The following DNAJC5B variants were observed in gnomAD, a reference collection of about 807,000 sequenced individuals.
DNAJC5B encodes the protein dnaJ homolog subfamily C member 5B.
Under a neutral mutation model 24.7 loss-of-function variants are expected in DNAJC5B, and 23 were observed. That is an observed-to-expected ratio of 0.93 (90% CI 0.67 to 1.32). The LOEUF is 1.32. Among genes scored for constraint, DNAJC5B ranks in the 40% most tolerant of loss-of-function variants. The pLI, the probability that DNAJC5B is intolerant of heterozygous loss-of-function variation, is 0.00. For synonymous variants in DNAJC5B, 101 were observed against 90.1 expected, an observed-to-expected ratio of 1.12 and a Z score of -0.68; for missense variants, 238 against 240.8, an observed-to-expected ratio of 0.99 and a Z score of 0.08.
intron 3 of DNAJC5B, among the ~76,000 whole-genome samples, chr8:66,060,531 T>C (rs772247332): frequency 3.9e-5 from 6 of 152,224 alleles, no homozygotes; most frequent in Non-Finnish European, 7.4e-5. Flanking sequence ...CCCTACCGTA[T>C]TCCTGCAGCA....
intron 5 of DNAJC5B, among the ~76,000 whole-genome samples, chr8:66,092,811 T>TAAA (rs1002754086): frequency 7.9e-5 from 12 of 152,190 alleles, no homozygotes; most frequent in Non-Finnish European, 1.8e-4. Flanking sequence ...ATTTCTTTTT[T>TAAA]AAAAAAATAG....
intron 3 of DNAJC5B, among the ~76,000 whole-genome samples, chr8:66,060,962 C>T (rs1255090896): frequency 6.6e-6 from 1 of 152,114 alleles, no homozygotes; most frequent in Admixed American, 6.5e-5. Context: ...GTAAGACACA[C>T]AACATATCAG....
At chr8:66,051,720 T>A (rs1586082294) in intron 3 of DNAJC5B, 54 bp downstream of exon 3, 1 of 1,349,290 alleles carries the variant, frequency 7.4e-7, no homozygotes, top group Non-Finnish European at 1.0e-6. Context: ...ATTTTGTGAC[T>A]GGCAGATTCC....
At chr8:66,034,243 TG>T (rs1346925535) in intron 1 of DNAJC5B, among the ~76,000 whole-genome samples, 1 of 147,982 alleles carries the variant, frequency 6.8e-6, no homozygotes, top group Non-Finnish European at 1.5e-5. Context: ...GGAAGTGAGA[TG>T]GGAATGCTGA....
rs1470428809 is a variant in DNAJC5B at position 66,024,424 on chromosome 8, T to A, written c.-142+2719T>A. Reference sequence around the variant, plus strand: ...GGATTCTTTTTTTTTTTTTTTTTAATGTTTTTTTTTTATTATTATACTCTA... The same window carrying A: ...GGATTCTTTTTTTTTTTTTTTTTAAAGTTTTTTTTTTATTATTATACTCTA... On this transcript the variant is annotated intron_variant, in intron 1 of 5. Transcript: ENST00000276570. 1.5e-3 allele frequency among the ~76,000 whole-genome samples: 208 copies of A among 134,344 alleles called. 1 individual carries two copies. Among genetic ancestry groups the A allele is most frequent in the African/African-American group, 5.7e-3 (176 of 30,894 alleles). 88.1% of individuals were successfully genotyped at this position (134,344 alleles called of 152,430 possible).
chr8:66,015,244 T>C, the DNAJC5B span, among the ~76,000 whole-genome samples: 1 of 152,186 alleles, frequency 6.6e-6, no homozygotes, highest in African/African-American at 2.4e-5. Flanking sequence ...TAGCTGTAGC[T>C]GTAGCTGTAG....
At chr8:66,066,397 A>G (rs574097947) in intron 3 of DNAJC5B, among the ~76,000 whole-genome samples, 26 of 152,360 alleles carry the variant, frequency 1.7e-4, no homozygotes, top group African/African-American at 5.8e-4. Flanking sequence ...ACAAAGGGAA[A>G]GAACACAGTA....
chr8:66,052,201 G>A (rs1806864610), intron 3 of DNAJC5B, among the ~76,000 whole-genome samples: 1 of 150,084 alleles, frequency 6.7e-6, no homozygotes. Context: ...CAGGCAATCT[G>A]CCCACCTCGG....
chr8:66,049,556 G>C (rs922077860), intron 2 of DNAJC5B, among the ~76,000 whole-genome samples: 13 of 152,200 alleles, frequency 8.5e-5, no homozygotes, highest in Non-Finnish European at 1.8e-4. Context: ...TTGGTGTGTA[G>C]TAGGCTCTAT....
intron 5 of DNAJC5B, among the ~76,000 whole-genome samples, chr8:66,095,099 G>A (rs926810755): frequency 6.6e-6 from 1 of 152,026 alleles, no homozygotes; most frequent in Non-Finnish European, 1.5e-5. Context: ...TTTGTATCAA[G>A]ATTATGCCTC....
At chr8:66,035,732 C>T (rs150966527) in intron 1 of DNAJC5B, among the ~76,000 whole-genome samples, 4 of 152,292 alleles carry the variant, frequency 2.6e-5, no homozygotes, top group African/African-American at 7.2e-5. Flanking sequence ...TTAAGCCATG[C>T]GGTTTGTGGT....
intron 3 of DNAJC5B, among the ~76,000 whole-genome samples, chr8:66,061,969 G>A (rs1263821176): frequency 6.6e-6 from 1 of 151,622 alleles, no homozygotes; most frequent in African/African-American, 2.4e-5. Context: ...GGGCGCAGCC[G>A]AGCCCCTTCC....
At chr8:66,022,513 G>A (rs1806157434) in intron 1 of DNAJC5B, among the ~76,000 whole-genome samples, 2 of 152,252 alleles carry the variant, frequency 1.3e-5, no homozygotes, top group South Asian at 2.1e-4. Context: ...AGTTGATGGC[G>A]ATGCTCCCTC....
At chr8:66,091,413 G>A (rs978781261) in intron 5 of DNAJC5B, among the ~76,000 whole-genome samples, 1 of 152,096 alleles carries the variant, frequency 6.6e-6, no homozygotes, top group Admixed American at 6.5e-5. Flanking sequence ...TTGAGGGGTA[G>A]GGGATTCTGG....
chr8:66,015,842 G>C, the DNAJC5B span, among the ~76,000 whole-genome samples: 1 of 152,198 alleles, frequency 6.6e-6, no homozygotes, highest in Non-Finnish European at 1.5e-5. Flanking sequence ...TCACCACTAA[G>C]AATGAGAGGG....
intron 3 of DNAJC5B, among the ~76,000 whole-genome samples, chr8:66,066,478 C>G (rs1807198736): frequency 6.6e-6 from 1 of 152,152 alleles, no homozygotes; most frequent in African/African-American, 2.4e-5. Flanking sequence ...CAGAAGCAAC[C>G]TAAGTGCCCA....
At chr8:66,046,311 C>G (rs550009453) in intron 2 of DNAJC5B, among the ~76,000 whole-genome samples, 1 of 152,310 alleles carries the variant, frequency 6.6e-6, no homozygotes, top group South Asian at 2.1e-4. Context: ...AGGGAAAACA[C>G]TTGCCACCAT....
chr8:66,079,453 A>C (rs562515746), intron 4 of DNAJC5B, among the ~76,000 whole-genome samples: 32 of 152,302 alleles, frequency 2.1e-4, no homozygotes, highest in Non-Finnish European at 4.1e-4. Flanking sequence ...TTTGGGCAGG[A>C]TCAGGAAAGA....
intron 5 of DNAJC5B, among the ~76,000 whole-genome samples, chr8:66,093,385 C>A (rs1364812652): frequency 1.3e-5 from 2 of 152,178 alleles, no homozygotes; most frequent in African/African-American, 4.8e-5. Context: ...TGTTGCCCCA[C>A]ACCCTTGCCT....
Sources: allele counts gnomAD v4.1 joint callset (sites outside exome capture counted in the v4.1 genomes callset), GRCh38; gene constraint gnomAD v4.1.1; transcripts MANE v1.5; gene names NCBI Gene and HGNC (gene_info 2026-07-23, HGNC 2026-07-21).